Variants in CAMTA1 observed in about 807,000 individuals in gnomAD.
CAMTA1 encodes the protein calmodulin-binding transcription activator 1.
A neutral mutation model predicts 170.9 loss-of-function variants in CAMTA1; 27 were observed. The observed-to-expected ratio is 0.16, with a 90% CI of 0.12 to 0.22. The LOEUF (loss-of-function observed/expected upper bound fraction) is 0.22, where lower values mean the gene tolerates loss of function less well. Ranked by LOEUF, CAMTA1 falls within the 10% of genes least tolerant of loss-of-function variation. The pLI is 1.00. For missense variants in CAMTA1, 1,619 were observed against 2,217.2 expected, an observed-to-expected ratio of 0.73 and a Z score of 5.42; for synonymous variants, 833 against 891.5, an observed-to-expected ratio of 0.93 and a Z score of 1.17.
chr1:7,654,837 C>T (rs1387594474), intron 7 of CAMTA1, among the ~76,000 whole-genome samples: 6 of 143,794 alleles, frequency 4.2e-5, no homozygotes, highest in Non-Finnish European at 7.5e-5. Context: ...CCTATACACA[C>T]GAACACACCC....
intron 3 of CAMTA1, among the ~76,000 whole-genome samples, chr1:6,983,844 G>C (rs1240692241): frequency 6.7e-6 from 1 of 150,112 alleles, no homozygotes; most frequent in Non-Finnish European, 1.5e-5. Flanking sequence ...TGGATGAATG[G>C]GTGGGTGATA....
At chr1:7,297,436 G>T (rs1674123905) in intron 5 of CAMTA1, among the ~76,000 whole-genome samples, 1 of 152,202 alleles carries the variant, frequency 6.6e-6, no homozygotes, top group Admixed American at 6.5e-5. Flanking sequence ...AATGCCCAAG[G>T]TACTCAGCAA....
At chr1:7,495,524 C>T (rs899799719) in intron 6 of CAMTA1, among the ~76,000 whole-genome samples, 4 of 152,212 alleles carry the variant, frequency 2.6e-5, no homozygotes, top group Non-Finnish European at 5.9e-5. Flanking sequence ...CATGGCAGGG[C>T]CCCACATCTC....
At chr1:7,679,343 A>C (rs1410987855) in intron 11 of CAMTA1, among the ~76,000 whole-genome samples, 1 of 152,198 alleles carries the variant, frequency 6.6e-6, no homozygotes, top group Admixed American at 6.5e-5. Context: ...CTTTTCAGAG[A>C]GCAAAGTCAC....
rs1453415723 is a variant in CAMTA1 at position 7,415,508 on chromosome 1, A to G, written c.439-52322A>G. Among the ~76,000 whole-genome samples, 4 of 152,218 alleles carry G rather than the reference A, an allele frequency of 2.6e-5. No homozygotes were observed. In the East Asian group the frequency reaches 5.8e-4, roughly 22 times the overall value. ...TTGTTGAATTGATTCCTTTACCATT[A>G]TGTAATGGCCTTCTTTGTCTCTTTT... On this transcript the variant is annotated intron_variant, in intron 5 of 22. Coordinates refer to ENST00000303635, the MANE Select transcript of CAMTA1 (RefSeq NM_015215.4).
At chr1:7,539,381 G>A (rs1217647098) in intron 6 of CAMTA1, among the ~76,000 whole-genome samples, 1 of 152,236 alleles carries the variant, frequency 6.6e-6, no homozygotes, top group Non-Finnish European at 1.5e-5. Context: ...TTTTCTTAAA[G>A]AAATATTTCC....
rs767399578 is a variant in CAMTA1, at chr1:7,457,042, CCCCGCCCCCTGCGCCGCCGTGCCCCTCA to C, written c.439-10772_439-10745del. 5.8e-3 allele frequency among the ~76,000 whole-genome samples: 512 copies of C among 88,522 alleles called. 1 individual carries two copies. The highest frequency in any genetic ancestry group is 7.9e-3 in the Non-Finnish European group (347 of 43,838). The allele number at this position is 88,522 out of a possible 152,430, so 58.1% of individuals were successfully genotyped here. On this transcript the variant is annotated intron_variant, in intron 5 of 22. Transcript: ENST00000303635. ...CCTCCCTTCCATTTCCCCTCACCCG[CCCCGCCCCCTGCGCCGCCGTGCCCCTCA>C]CCCGCCCCCTGCGCCAACGTGCCCC...
intron 5 of CAMTA1, among the ~76,000 whole-genome samples, chr1:7,326,747 G>A (rs893775383): frequency 2.0e-5 from 3 of 152,228 alleles, no homozygotes; most frequent in Non-Finnish European, 2.9e-5. Flanking sequence ...CCAGAACTGT[G>A]AGAGAATATG....
intron 3 of CAMTA1, among the ~76,000 whole-genome samples, chr1:7,035,306 A>G (rs1703424557): frequency 6.6e-6 from 1 of 152,126 alleles, no homozygotes; most frequent in Admixed American, 6.5e-5. Context: ...AGGCTGAGGC[A>G]GGAGAATCAT....
At chr1:7,090,929 C>T (rs1341678826) in intron 3 of CAMTA1, among the ~76,000 whole-genome samples, 3 of 152,150 alleles carry the variant, frequency 2.0e-5, no homozygotes, top group Non-Finnish European at 2.9e-5. Context: ...CAGAAAAGGA[C>T]GAAACTTTCC....
At chr1:6,860,343 A>G (rs1664206224) in intron 3 of CAMTA1, among the ~76,000 whole-genome samples, 2 of 152,160 alleles carry the variant, frequency 1.3e-5, no homozygotes. Context: ...TTATATGTGA[A>G]TGGGATGAGT....
chr1:7,759,515 T>C (rs574749831), intron 22 of CAMTA1, among the ~76,000 whole-genome samples: 85 of 152,336 alleles, frequency 5.6e-4, no homozygotes, highest in Non-Finnish European at 8.4e-4. Context: ...TTTGGTTGTT[T>C]TGTTTTTTGT....
intron 11 of CAMTA1, among the ~76,000 whole-genome samples, chr1:7,690,955 G>C (rs1164235172): frequency 1.3e-5 from 2 of 152,238 alleles, no homozygotes; most frequent in African/African-American, 4.8e-5. Context: ...CGTCAGTGGA[G>C]TACCCGTTAG....
At chr1:6,968,878 A>G (rs1477178094) in intron 3 of CAMTA1, among the ~76,000 whole-genome samples, 2 of 152,118 alleles carry the variant, frequency 1.3e-5, no homozygotes, top group Non-Finnish European at 2.9e-5. Flanking sequence ...GGGAGCTGCA[A>G]GTCGCCAGTG....
chr1:7,499,197 G>T (rs1367401491), intron 6 of CAMTA1, among the ~76,000 whole-genome samples: 24 of 126,488 alleles, frequency 1.9e-4, no homozygotes, highest in South Asian at 5.7e-4. Flanking sequence ...CAGAGAGGAT[G>T]GTGTGATCCT....
chr1:6,797,642 C>T (rs1448842797), intron 1 of CAMTA1, among the ~76,000 whole-genome samples: 1 of 152,110 alleles, frequency 6.6e-6, no homozygotes, highest in Non-Finnish European at 1.5e-5. Flanking sequence ...CTGCCTCTGC[C>T]TCCCAAAGTG....
intron 11 of CAMTA1, among the ~76,000 whole-genome samples, chr1:7,724,818 C>CAAAAA (rs960235639): frequency 1.8e-4 from 15 of 85,328 alleles, no homozygotes; most frequent in African/African-American, 5.9e-4. Context: ...GCGAGACTCT[C>CAAAAA]AAAAAAAAAA....
chr1:7,165,585 C>A (rs918343257), intron 4 of CAMTA1, among the ~76,000 whole-genome samples: 6 of 152,142 alleles, frequency 3.9e-5, no homozygotes, highest in African/African-American at 1.4e-4. Context: ...GCACGCACCA[C>A]CATGCCTGAC....
chr1:7,485,928 C>T (rs531948803), intron 6 of CAMTA1, among the ~76,000 whole-genome samples: 2 of 152,370 alleles, frequency 1.3e-5, no homozygotes, highest in African/African-American at 4.8e-5. Context: ...CGGCATGCAC[C>T]TCAGCCGCCA....
Sources: allele counts gnomAD v4.1 joint callset (sites outside exome capture counted in the v4.1 genomes callset), GRCh38; gene constraint gnomAD v4.1.1; transcripts MANE v1.5; gene names NCBI Gene and HGNC (gene_info 2026-07-23, HGNC 2026-07-21).